Variants in FKBP9 observed in about 807,000 individuals in gnomAD.
The protein encoded by FKBP9 is FKBP prolyl isomerase 9.
FKBP9 carries 27 observed loss-of-function variants against 55.6 expected under a neutral mutation model. That is an observed-to-expected ratio of 0.49 (90% CI 0.36 to 0.67). FKBP9 has a LOEUF of 0.67. FKBP9 is among the 30% of genes least tolerant of loss of function. The pLI is 0.00. For synonymous variants in FKBP9, 267 were observed against 296.5 expected (o/e 0.90, Z 1.02); for missense variants, 539 against 742.8 (o/e 0.73, Z 3.19).
chr7:32,957,911 C>G lies in FKBP9; in HGVS notation c.221+117C>G. 3.8e-6 allele frequency: 3 copies of G among 782,088 alleles called. No individual in the cohort carries two copies. In the East Asian group the frequency reaches 1.0e-4, roughly 27 times the overall value. 48.4% of individuals were successfully genotyped at this position (782,088 alleles called of 1,614,324 possible). On this transcript the variant is annotated intron_variant, in intron 1 of 9. Coordinates refer to ENST00000242209, the MANE Select transcript of FKBP9 (RefSeq NM_007270.5). ...CCGCCCCGTGCAGCCGCGCTCCTCCCTTCTTCCGCTGCCCAGATCCTCCCG... is the reference window on the plus strand; with the variant it reads ...CCGCCCCGTGCAGCCGCGCTCCTCCGTTCTTCCGCTGCCCAGATCCTCCCG...
chr7:33,000,281 A>T (rs1446128195), intron 8 of FKBP9, 21 bp downstream of exon 8: 15 of 1,598,402 alleles, frequency 9.4e-6, no homozygotes, highest in African/African-American at 1.3e-5. Context: ...AACGCTATTC[A>T]AGGGTGTTGG....
At chr7:32,985,398 C>G (rs1434202330) in intron 5 of FKBP9, among the ~76,000 whole-genome samples, 1 of 151,586 alleles carries the variant, frequency 6.6e-6, no homozygotes, top group Non-Finnish European at 1.5e-5. Flanking sequence ...CCGGGCTGGT[C>G]ACGAACTCCT....
intron 2 of FKBP9, chr7:32,974,977 T>G: frequency 1.6e-6 from 1 of 636,810 alleles, no homozygotes; most frequent in Non-Finnish European, 2.7e-6. Flanking sequence ...AATGATACCC[T>G]CAATGAGAAG....
chr7:32,966,999 AAG>A (rs1424596935), intron 1 of FKBP9, among the ~76,000 whole-genome samples: 1 of 152,108 alleles, frequency 6.6e-6, no homozygotes, highest in Non-Finnish European at 1.5e-5. Context: ...AAAGCGAGGG[AAG>A]AGAGTGAGGT....
chr7:32,959,274 G>C (rs974299312), intron 1 of FKBP9, among the ~76,000 whole-genome samples: 23 of 152,208 alleles, frequency 1.5e-4, no homozygotes, highest in Middle Eastern at 3.4e-3. Flanking sequence ...GCGAGGTGGC[G>C]GGCGCCTGTA....
At chr7:32,974,921 A>G (rs900851799) in intron 2 of FKBP9, 159 bp downstream of exon 2, 2 of 696,278 alleles carry the variant, frequency 2.9e-6, no homozygotes, top group African/African-American at 3.6e-5. Context: ...TCTTAGGTTT[A>G]TTTCTTCTAG....
At chr7:32,967,617 T>C (rs1318640301) in intron 1 of FKBP9, among the ~76,000 whole-genome samples, 1 of 152,256 alleles carries the variant, frequency 6.6e-6, no homozygotes, top group Admixed American at 6.5e-5. Flanking sequence ...ACATATTTTT[T>C]ATCCATTTAT....
intron 5 of FKBP9, 119 bp downstream of exon 5, chr7:32,980,672 C>A (rs1047527367): frequency 1.2e-5 from 17 of 1,431,128 alleles, no homozygotes; most frequent in Non-Finnish European, 1.3e-5. Flanking sequence ...ATTTTCATCT[C>A]TAATACAAGT....
At position 32,980,416 on chromosome 7, in the gene FKBP9, C is replaced by T. The variant is rs779157359; in HGVS notation, c.756C>T (p.Asp252=). Residue 252 remains aspartate (D), a synonymous_variant, in exon 5 of 10, where the codon GAC becomes GAT. Transcript: ENST00000242209. The part of the protein sequence containing the change: ...ASLVFDVALL[D]LHNPKDSISI... Reference sequence around the variant, plus strand: ...TGGTGTTTGATGTTGCATTATTGGACCTCCATAACCCCAAGGACAGCATTT... The same window carrying T: ...TGGTGTTTGATGTTGCATTATTGGATCTCCATAACCCCAAGGACAGCATTT... 21 of 1,613,498 alleles carry T rather than the reference C, an allele frequency of 1.3e-5. No homozygotes were observed. Among genetic ancestry groups the T allele is most frequent in the East Asian group, 2.2e-5 (1 of 44,854 alleles).
At chr7:32,983,188 T>C (rs1216422161) in intron 5 of FKBP9, among the ~76,000 whole-genome samples, 1 of 152,072 alleles carries the variant, frequency 6.6e-6, no homozygotes, top group Non-Finnish European at 1.5e-5. Context: ...CACTCCCAGC[T>C]AATTTTGTAT....
Position 33,000,298 on chromosome 7 carries a change from G to A in FKBP9, c.1372+38G>A, listed in dbSNP as rs554943247. On this transcript the variant is annotated intron_variant, in intron 8 of 9. Coordinates refer to ENST00000242209, the MANE Select transcript of FKBP9 (RefSeq NM_007270.5). ...CGCTATTCAAGGGTGTTGGGGGCCC[G>A]CTTACTATCTGAATTTTGTGCTTTT... 19 of 1,537,756 alleles carry A rather than the reference G, an allele frequency of 1.2e-5. No homozygotes were observed. In the Admixed American group the frequency reaches 1.7e-4, roughly 14 times the overall value.
chr7:32,987,700 C>T (rs1583861251), intron 5 of FKBP9, among the ~76,000 whole-genome samples: 3 of 152,152 alleles, frequency 2.0e-5, no homozygotes, highest in East Asian at 2.0e-4. Context: ...GTGTTGTGAT[C>T]TTGGCTCACT....
chr7:32,975,233 A>G lies in FKBP9; in HGVS notation c.419A>G (p.Asp140Gly), dbSNP rs1784334769. 1 of 1,613,840 alleles carries G rather than the reference A, an allele frequency of 6.2e-7. No individual in the cohort carries two copies. The highest frequency in any genetic ancestry group is 8.5e-7 in the Non-Finnish European group (1 of 1,179,760). ...CTTCATTTTGATGTACTTCTGATGG[A>G]TATTTGGAATTCTGAAGACCAGGTT... ...SVLHFDVLLMDIWNSEDQVQI... is the reference protein window; with the variant it reads ...SVLHFDVLLMGIWNSEDQVQI... The change falls in exon 3 of 10, where the codon GAT (aspartate) becomes GGT (glycine). Residue 140 changes from aspartate to glycine, a missense_variant. Around this residue, in one of 4 missense-constraint regions of FKBP9, gnomAD observed 236 missense variants for 271.5 expected, o/e 0.87. Coordinates refer to ENST00000242209, the MANE Select transcript of FKBP9 (RefSeq NM_007270.5).
intron 1 of FKBP9, among the ~76,000 whole-genome samples, chr7:32,960,340 C>A (rs539535607): frequency 6.6e-6 from 1 of 152,134 alleles, no homozygotes; most frequent in East Asian, 1.9e-4. Context: ...GTCTTGAACT[C>A]CTGACCTCAG....
intron 6 of FKBP9, among the ~76,000 whole-genome samples, chr7:32,993,738 G>A (rs1033734638): frequency 7.2e-5 from 11 of 152,166 alleles, no homozygotes; most frequent in South Asian, 6.2e-4. Flanking sequence ...GCTTGAACCC[G>A]GGGGACGGAG....
chr7:32,991,898 C>G (rs1396677160), intron 6 of FKBP9, among the ~76,000 whole-genome samples: 1 of 151,920 alleles, frequency 6.6e-6, no homozygotes, highest in Non-Finnish European at 1.5e-5. Flanking sequence ...ACATTTTACC[C>G]ACTGTGTGTC....
At chr7:32,990,235 CTT>C (rs1370918179) in intron 6 of FKBP9, among the ~76,000 whole-genome samples, 1 of 152,108 alleles carries the variant, frequency 6.6e-6, no homozygotes, top group East Asian at 1.9e-4. Flanking sequence ...TTGCAACAGT[CTT>C]TGTAAAAGGG....
intron 5 of FKBP9, among the ~76,000 whole-genome samples, chr7:32,982,272 C>T (rs1784493167): frequency 6.6e-6 from 1 of 152,162 alleles, no homozygotes; most frequent in African/African-American, 2.4e-5. Context: ...CCACCCAACG[C>T]AGCCTCCCAA....
chr7:32,965,681 C>A lies in FKBP9; in HGVS notation c.221+7887C>A, dbSNP rs560867459. On this transcript the variant is annotated intron_variant, in intron 1 of 9. Transcript: ENST00000242209. ...GGCGTGGTGGCGTGCACCTGTAATC[C>A]CAGCTACTCAGGAGGCTGAGACAGG... 2.7e-5 allele frequency among the ~76,000 whole-genome samples: 4 copies of A among 148,284 alleles called. No individual in the cohort carries two copies. In the East Asian group the frequency reaches 8.2e-4, roughly 30 times the overall value.
Sources: gnomAD v4.1 joint callset for allele counts (sites outside exome capture counted in the v4.1 genomes callset) on GRCh38, gnomAD v4.1.1 for gene constraint, gnomAD v4.1.1 regional missense constraint, MANE v1.5 for transcripts, NCBI Gene and HGNC (gene_info 2026-07-23, HGNC 2026-07-21) for gene names.